Variants in DLEU7 observed in about 807,000 individuals in gnomAD.
The protein encoded by DLEU7 is leukemia-associated protein 7.
A neutral mutation model predicts 16.0 loss-of-function variants in DLEU7; 17 were observed. That is an observed-to-expected ratio of 1.06 (90% confidence interval 0.73 to 1.59). DLEU7 has a LOEUF of 1.59. Ranked by LOEUF, DLEU7 falls within the 40% of genes most tolerant of loss-of-function variation. The pLI, the probability that DLEU7 is intolerant of heterozygous loss-of-function variation, is 0.00. For missense variants in DLEU7, 308 were observed against 314.9 expected, an observed-to-expected ratio of 0.98 and a Z score of 0.17; for synonymous variants, 113 against 139.8, an observed-to-expected ratio of 0.81 and a Z score of 1.35.
chr13:50,762,459 C>T (rs1011542159), intron 1 of DLEU7, among the ~76,000 whole-genome samples: 1 of 152,122 alleles, frequency 6.6e-6, no homozygotes, highest in Admixed American at 6.5e-5. Flanking sequence ...CAGGGTAAAG[C>T]CCAGGTCGGA....
At chr13:50,758,475 G>A (rs111942774) in intron 1 of DLEU7, among the ~76,000 whole-genome samples, 1,800 of 152,236 alleles carry the variant, frequency 0.012, 36 homozygotes, top group African/African-American at 0.041. Flanking sequence ...CACAGTTTCC[G>A]TGAGTCAGGA....
downstream of DLEU7, among the ~76,000 whole-genome samples, chr13:50,818,891 T>G (rs1396969899): frequency 1.3e-5 from 2 of 152,202 alleles, no homozygotes; most frequent in African/African-American, 4.8e-5. Flanking sequence ...ACATTTGTGA[T>G]GGCATTTGGG....
At chr13:50,795,188 G>A (rs1876077624) in intron 1 of DLEU7, among the ~76,000 whole-genome samples, 2 of 152,018 alleles carry the variant, frequency 1.3e-5, no homozygotes, top group Admixed American at 6.6e-5. Context: ...ATAGAGAAGG[G>A]GCCAACCCTG....
intron 1 of DLEU7, among the ~76,000 whole-genome samples, chr13:50,789,012 T>G (rs1177852047): frequency 6.6e-6 from 1 of 152,266 alleles, no homozygotes; most frequent in African/African-American, 2.4e-5. Flanking sequence ...CTGTAAATAA[T>G]GGCTTCAATT....
intron 1 of DLEU7, among the ~76,000 whole-genome samples, chr13:50,716,833 C>A (rs1005487596): frequency 4.6e-5 from 7 of 152,168 alleles, no homozygotes; most frequent in African/African-American, 1.7e-4. Flanking sequence ...GCTTAATGGA[C>A]TATTTTTTGA....
intron 1 of DLEU7, among the ~76,000 whole-genome samples, chr13:50,737,488 G>T (rs557631216): frequency 1.2e-4 from 19 of 152,146 alleles, no homozygotes; most frequent in African/African-American, 4.3e-4. Context: ...CTTGTTTTGT[G>T]TCTCTGTGAT....
chr13:50,763,356 A>T (rs1217887912), intron 1 of DLEU7, among the ~76,000 whole-genome samples: 4 of 152,170 alleles, frequency 2.6e-5, no homozygotes, highest in Non-Finnish European at 4.4e-5. Context: ...AGGGCAGGAG[A>T]GCTGGCTGAA....
At chr13:50,796,041 C>G (rs1876097734) in intron 1 of DLEU7, among the ~76,000 whole-genome samples, 1 of 151,028 alleles carries the variant, frequency 6.6e-6, no homozygotes, top group East Asian at 1.9e-4. Flanking sequence ...CCTGTTTTCC[C>G]TTTTTTCTCA....
intron 1 of DLEU7, among the ~76,000 whole-genome samples, chr13:50,816,956 T>G (rs958181510): frequency 6.6e-6 from 1 of 152,114 alleles, no homozygotes; most frequent in Non-Finnish European, 1.5e-5. Context: ...CATTCAGAGC[T>G]GGAATACAGG....
chr13:50,768,531 G>C (rs868298182), intron 1 of DLEU7, among the ~76,000 whole-genome samples: 1 of 150,460 alleles, frequency 6.6e-6, no homozygotes, highest in Admixed American at 6.7e-5. Flanking sequence ...GAGAATATGC[G>C]GTGTTTGGTT....
intron 1 of DLEU7, among the ~76,000 whole-genome samples, chr13:50,734,659 A>G (rs964727026): frequency 6.6e-6 from 1 of 152,192 alleles, no homozygotes; most frequent in Non-Finnish European, 1.5e-5. Flanking sequence ...AAAAAGATAA[A>G]AATAGGAAGA....
intron 1 of DLEU7, among the ~76,000 whole-genome samples, chr13:50,764,152 A>G (rs1224943147): frequency 1.3e-5 from 2 of 152,072 alleles, no homozygotes. Flanking sequence ...AAGTCCACTC[A>G]CCCCTCTGAG....
intron 1 of DLEU7, among the ~76,000 whole-genome samples, chr13:50,752,913 C>G (rs960044840): frequency 6.6e-6 from 1 of 152,168 alleles, no homozygotes; most frequent in Non-Finnish European, 1.5e-5. Context: ...CCACCCACAT[C>G]CTGCTGATTG....
At chr13:50,714,463 G>A (rs1422797720) in intron 1 of DLEU7, among the ~76,000 whole-genome samples, 4 of 152,164 alleles carry the variant, frequency 2.6e-5, no homozygotes, top group Non-Finnish European at 4.4e-5. Context: ...ATATTAAAAT[G>A]AGACTTTTCC....
chr13:50,823,257 G>A lies in DLEU7; in HGVS notation c.*57C>T. ...TCTGCTGACTCAATTAGGAAGGTAA[G>A]GTATCTGGTTCTCTTAACAGTGCTG... On this transcript the variant is annotated 3_prime_UTR_variant, in exon 2 of 2. Transcript: ENST00000504404. 6.6e-7 allele frequency: 1 copy of A among 1,526,066 alleles called. No individual in the cohort carries two copies. The allele number at this position is 1,526,066 out of a possible 1,614,324, so 94.5% of individuals were successfully genotyped here.
Position 50,768,747 on chromosome 13 carries a change from G to A in DLEU7, c.460-55507C>T, listed in dbSNP as rs545154541. Among the ~76,000 whole-genome samples the A allele has an allele frequency of 1.9e-3, 284 of 152,278 alleles. 1 individual carries two copies. The highest frequency in any genetic ancestry group is 3.4e-3 in the Middle Eastern group (1 of 294). On this transcript the variant is annotated intron_variant, in intron 1 of 1. Coordinates refer to the DLEU7 transcript ENST00000400393. ...GTGAATAGTGCCGCAATAAACATAC[G>A]TGTGCATGTGTCTTTATAGCAGCAT...
intron 1 of DLEU7, among the ~76,000 whole-genome samples, chr13:50,776,058 C>T (rs1875486502): frequency 6.6e-6 from 1 of 152,194 alleles, no homozygotes. Context: ...TTGTTTCTTA[C>T]ATTTTAAATT....
chr13:50,791,326 C>T (rs949774767), intron 1 of DLEU7, among the ~76,000 whole-genome samples: 20 of 152,164 alleles, frequency 1.3e-4, no homozygotes, highest in African/African-American at 4.3e-4. Flanking sequence ...AGTGCTCTCC[C>T]ACCCGCTTCA....
chr13:50,822,599 G>C (rs563822098), downstream of DLEU7: 177 of 978,072 alleles, frequency 1.8e-4, 1 homozygote, highest in Admixed American at 4.5e-3. Context: ...ACTTCAATCA[G>C]AATATTTAGA....
Sources: allele counts gnomAD v4.1 joint callset (sites outside exome capture counted in the v4.1 genomes callset), GRCh38; gene constraint gnomAD v4.1.1; transcripts MANE v1.5; gene names NCBI Gene and HGNC (gene_info 2026-07-23, HGNC 2026-07-21).